Variants in RGL3 observed in about 807,000 individuals in gnomAD.
RGL3 encodes the protein ral guanine nucleotide dissociation stimulator like 3.
Under a neutral mutation model 90.6 loss-of-function variants are expected in RGL3, and 85 were observed. The observed-to-expected ratio is 0.94, with a 90% CI of 0.79 to 1.12. RGL3 has a LOEUF of 1.12. Ranked by LOEUF, RGL3 falls within the 50% of genes most tolerant of loss-of-function variation. The pLI is 0.00. For synonymous variants in RGL3, 408 were observed against 385.5 expected (o/e 1.06, Z -0.68); for missense variants, 1,034 against 939.2 (o/e 1.10, Z -1.32).
At chr19:11,414,437 A>G (rs1968944062) in intron 5 of RGL3, among the ~76,000 whole-genome samples, 2 of 102,530 alleles carry the variant, frequency 2.0e-5, no homozygotes, top group Non-Finnish European at 3.7e-5. Flanking sequence ...ATATACCTTC[A>G]TATATATACA....
In RGL3 at chr19:11,400,181, TAC is replaced by T. The variant is rs1968648623; in HGVS notation, c.1580+19_1580+20del. On this transcript the variant is annotated intron_variant, in intron 14 of 18. Transcript: ENST00000380456. ...TGATATCTGCCCACATCACCGCCCCTACACACACCCCGAGACTCACGCACTGA... is the reference window on the plus strand; with the variant it reads ...TGATATCTGCCCACATCACCGCCCCTACACACCCCGAGACTCACGCACTGA... 1.9e-6 allele frequency: 3 copies of T among 1,575,682 alleles called. No individual in the cohort carries two copies. The highest frequency in any genetic ancestry group is 2.3e-5 in the South Asian group (2 of 86,160).
At chr19:11,418,532 C>T (rs903841894) in intron 2 of RGL3, 139 bp downstream of exon 2, 3 of 635,778 alleles carry the variant, frequency 4.7e-6, no homozygotes, top group African/African-American at 1.9e-5. Flanking sequence ...CCCCTTTCTA[C>T]CTGGTCGCCT....
intron 18 of RGL3, among the ~76,000 whole-genome samples, chr19:11,396,691 G>A (rs192060125): frequency 0.015 from 2,111 of 137,602 alleles, 25 homozygotes; most frequent in Non-Finnish European, 0.025. Flanking sequence ...TTTAAACAGA[G>A]TCTCGCTCTG....
Position 11,406,466 on chromosome 19 carries a change from C to T in RGL3, c.949G>A (p.Ala317Thr), listed in dbSNP as rs892723609. 15 of 1,551,092 alleles carry T rather than the reference C, an allele frequency of 9.7e-6. No homozygotes were observed. The Admixed American group carries it at 1.2e-4, about 12-fold the overall frequency. Reference protein sequence around the residue: ...GSVLGAPGLAAPQRAQRLEKW... With the variant: ...GSVLGAPGLATPQRAQRLEKW... The stretch of plus-strand genomic sequence containing the variant: ...TCCAGCCGCTGCGCCCTCTGCGGGG[C>T]GGCCAAGCCCGGTGCTCCGAGCACG... Residue 317 changes from alanine (A) to threonine (T), a missense_variant, in exon 7 of 19, where the codon GCC becomes ACC. Ala to Thr is a moderately conservative substitution (Grantham distance 58). Transcript: ENST00000380456.
intron 9 of RGL3, among the ~76,000 whole-genome samples, chr19:11,404,566 GACA>G (rs113866243): frequency 0.056 from 8,425 of 151,790 alleles, 720 homozygotes; most frequent in African/African-American, 0.19. Context: ...AAATGATGAC[GACA>G]ACAACAACAA....
chr19:11,416,512 C>T (rs1235832011), intron 4 of RGL3, 102 bp downstream of exon 4: 39 of 1,184,902 alleles, frequency 3.3e-5, no homozygotes, highest in Non-Finnish European at 4.9e-5. Context: ...CTCCCAGTCT[C>T]TTATTACCCA....
chr19:11,399,835 C>T lies in RGL3; in HGVS notation c.1746+20G>A. On this transcript the variant is annotated intron_variant, in intron 16 of 18. Coordinates refer to ENST00000380456, the MANE Select transcript of RGL3 (RefSeq NM_001035223.4). Reference sequence around the variant, plus strand: ...CTGGGTGCCCGCAGGCCCGCATGCACACACAAGCCGTCTTGGTACCTTGGT... The same window carrying T: ...CTGGGTGCCCGCAGGCCCGCATGCATACACAAGCCGTCTTGGTACCTTGGT... 1.4e-6 allele frequency: 2 copies of T among 1,403,386 alleles called. No homozygotes were observed. The highest frequency in any genetic ancestry group is 1.5e-5 in the South Asian group (1 of 68,390). The allele number at this position is 1,403,386 out of a possible 1,614,324, so 86.9% of individuals were successfully genotyped here.
intron 5 of RGL3, among the ~76,000 whole-genome samples, chr19:11,413,893 G>A (rs1184674051): frequency 6.8e-6 from 1 of 147,982 alleles, no homozygotes; most frequent in Middle Eastern, 3.4e-3. Flanking sequence ...ACAGGCGCTC[G>A]CCACCACGCC....
intron 5 of RGL3, among the ~76,000 whole-genome samples, chr19:11,413,151 G>A (rs1968900441): frequency 6.6e-6 from 1 of 150,646 alleles, no homozygotes; most frequent in East Asian, 1.9e-4. Flanking sequence ...TATGTCCAGT[G>A]TGGTGGCTGA....
Position 11,416,307 on chromosome 19 carries a change from C to T in RGL3, c.426-159G>A, listed in dbSNP as rs1322769721. ...GATCTTGACTCACTGCAACCTCAGC[C>T]TCCCGAGTAGCTGGGACTACAGGCA... is the stretch of plus-strand genomic sequence containing the variant. On this transcript the variant is annotated intron_variant, in intron 4 of 18. Transcript: ENST00000380456. 4.6e-6 allele frequency: 3 copies of T among 652,338 alleles called. No individual in the cohort carries two copies. The African/African-American group carries it at 5.5e-5, about 12-fold the overall frequency. The allele number at this position is 652,338 out of a possible 1,614,324, so 40.4% of individuals were successfully genotyped here.
chr19:11,414,098 A>C (rs1968917668), intron 5 of RGL3, among the ~76,000 whole-genome samples: 1 of 134,138 alleles, frequency 7.5e-6, no homozygotes, highest in African/African-American at 2.8e-5. Flanking sequence ...ACAGTGAACT[A>C]TGGAGCTCTA....
At position 11,405,047 on chromosome 19, in the gene RGL3, G is replaced by A. The variant is rs549085357; in HGVS notation, c.1185+100C>T. 1.6e-5 allele frequency: 15 copies of A among 962,016 alleles called. No homozygotes were observed. The South Asian group carries it at 2.0e-4, about 13-fold the overall frequency. The allele number at this position is 962,016 out of a possible 1,614,324, so 59.6% of individuals were successfully genotyped here. On this transcript the variant is annotated intron_variant, in intron 9 of 18. Coordinates refer to ENST00000380456, the MANE Select transcript of RGL3 (RefSeq NM_001035223.4). The stretch of plus-strand genomic sequence containing the variant: ...CATTGCTGAGCGGTAGGGAAGGACA[G>A]AGTGTCCTGACTATAGCAGGGAGAT...
Position 11,419,229 on chromosome 19 carries a change from A to T in RGL3, c.33+17T>A, listed in dbSNP as rs768307469. ...GTCACCAGGGATGCGGGGTCCGGGG[A>T]TCCCTTGTCCCCTTACCAGGGCCAG... On this transcript the variant is annotated intron_variant, in intron 1 of 18. Transcript: ENST00000380456. The T allele has an allele frequency of 6.3e-7, 1 of 1,585,952 alleles. No homozygotes were observed. The highest frequency in any genetic ancestry group is 2.4e-5 in the East Asian group (1 of 40,892).
intron 15 of RGL3, 23 bp downstream of exon 15, chr19:11,400,017 C>T: frequency 1.2e-6 from 2 of 1,601,900 alleles, no homozygotes; most frequent in Non-Finnish European, 1.7e-6. Context: ...ATCCCCAGTC[C>T]CATCACCAAG....
intron 6 of RGL3, 32 bp from the exon 7 acceptor site, chr19:11,406,666 T>G (rs1968787649): frequency 1.3e-6 from 2 of 1,599,172 alleles, no homozygotes; most frequent in Non-Finnish European, 1.7e-6. Context: ...GGATTGGTGC[T>G]TAGCAGAACC....
intron 5 of RGL3, among the ~76,000 whole-genome samples, chr19:11,411,953 T>C (rs992581800): frequency 1.3e-5 from 2 of 152,154 alleles, no homozygotes; most frequent in African/African-American, 4.8e-5. Context: ...TTCTGATTTT[T>C]TTTTAAGTAT....
At chr19:11,414,048 T>C (rs984361142) in intron 5 of RGL3, among the ~76,000 whole-genome samples, 1 of 145,694 alleles carries the variant, frequency 6.9e-6, no homozygotes, top group African/African-American at 2.5e-5. Context: ...GCCCAGCCAA[T>C]TTTAATTAAT....
chr19:11,409,563 A>G (rs1041998019), intron 5 of RGL3, among the ~76,000 whole-genome samples: 7 of 152,192 alleles, frequency 4.6e-5, no homozygotes, highest in Non-Finnish European at 8.8e-5. Context: ...TGCACCTAGA[A>G]CCTGACTATT....
rs754851665 is a variant in RGL3, at chr19:11,402,688, A to G, written c.1204T>C (p.Ser402Pro). The change falls in exon 10 of 19, where the codon TCC (serine) becomes CCC (proline). Residue 402 changes from serine (S) to proline (P), a missense_variant. By Grantham distance (74) the Ser-to-Pro change is moderately conservative (BLOSUM62 -1). Transcript: ENST00000380456. ...CCTGGGGTGTTGTCCTCTTCTTGGG[A>G]TCCCTCAGTGGCCTCCTCCTGAGGG... ...ILFQEEATEG[S>P]QEEDNTPGSL... 4 of 1,613,638 alleles carry G rather than the reference A, an allele frequency of 2.5e-6. No homozygotes were observed. Among genetic ancestry groups the G allele is most frequent in the Non-Finnish European group, 3.4e-6 (4 of 1,179,886 alleles).
Sources: allele counts gnomAD v4.1 joint callset (sites outside exome capture counted in the v4.1 genomes callset), GRCh38; gene constraint gnomAD v4.1.1; transcripts MANE v1.5; gene names NCBI Gene and HGNC (gene_info 2026-07-23, HGNC 2026-07-21).